Variants in CDH20 observed in about 807,000 individuals in gnomAD.
CDH20 encodes cadherin-20.
CDH20 carries 29 observed loss-of-function variants against 74.2 expected under a neutral mutation model. That is an observed-to-expected ratio of 0.39 (90% CI 0.29 to 0.53). The LOEUF is 0.53. CDH20 is among the 20% of genes least tolerant of loss of function. CDH20 has a pLI of 0.69. For synonymous variants in CDH20, 469 were observed against 405.4 expected, an observed-to-expected ratio of 1.16 and a Z score of -1.88; for missense variants, 988 against 1,048.3, an observed-to-expected ratio of 0.94 and a Z score of 0.79.
chr18:61,539,113 G>A lies in CDH20; in HGVS notation c.1498G>A (p.Ala500Thr). ...TCCAGAGTTCCCCAGATTCTATGAA[G>A]CTTTTGTCTGTGAGAACGCCAAGGC... is the stretch of plus-strand genomic sequence containing the variant. The part of the protein sequence containing the change: ...NAPEFPRFYE[A>T]FVCENAKAGQ... Residue 500 changes from alanine to threonine, a missense_variant, in exon 9 of 12, where the codon GCT becomes ACT. Physicochemically the swap from Ala to Thr is moderately conservative, Grantham distance 58. Around this residue, in one of 2 missense-constraint regions of CDH20, gnomAD observed 613 missense variants for 755.2 expected, o/e 0.81. Coordinates refer to ENST00000262717, the MANE Select transcript of CDH20 (RefSeq NM_031891.4). 1 of 1,614,124 alleles carries A rather than the reference G, an allele frequency of 6.2e-7. No homozygotes were observed. Among genetic ancestry groups the A allele is most frequent in the Non-Finnish European group, 8.5e-7 (1 of 1,180,030 alleles).
At chr18:61,504,423 G>A (rs1401533672) in intron 5 of CDH20, among the ~76,000 whole-genome samples, 1 of 152,162 alleles carries the variant, frequency 6.6e-6, no homozygotes, top group Non-Finnish European at 1.5e-5. Flanking sequence ...TGGATGACAG[G>A]GAGAAGGATT....
chr18:61,515,810 G>T (rs1231585930), intron 6 of CDH20, among the ~76,000 whole-genome samples: 1 of 150,092 alleles, frequency 6.7e-6, no homozygotes, highest in Non-Finnish European at 1.5e-5. Flanking sequence ...GATAGCATTG[G>T]GAGATATACC....
At chr18:61,426,425 G>A (rs1257060664) in intron 1 of CDH20, among the ~76,000 whole-genome samples, 1 of 152,148 alleles carries the variant, frequency 6.6e-6, no homozygotes, top group African/African-American at 2.4e-5. Flanking sequence ...GATTATAGGA[G>A]GAAAATGGCA....
chr18:61,481,153 T>C (rs561462629), intron 1 of CDH20, among the ~76,000 whole-genome samples: 1 of 152,190 alleles, frequency 6.6e-6, no homozygotes, highest in Non-Finnish European at 1.5e-5. Context: ...ATATTACCCA[T>C]GTCTTCAAAG....
chr18:61,534,649 A>G (rs1912758580), intron 7 of CDH20, among the ~76,000 whole-genome samples: 1 of 152,224 alleles, frequency 6.6e-6, no homozygotes, highest in African/African-American at 2.4e-5. Context: ...GCACAGAAAG[A>G]CAAATACCAC....
chr18:61,398,357 A>G (rs1440671861), intron 1 of CDH20, among the ~76,000 whole-genome samples: 1 of 152,228 alleles, frequency 6.6e-6, no homozygotes, highest in African/African-American at 2.4e-5. Flanking sequence ...AGTAGTATCA[A>G]TTTAATTATG....
Position 61,554,671 on chromosome 18 carries a change from GGA to G in CDH20, c.2384_2385del (p.Glu795GlyfsTer42). ...RKLAELYGAS[E>X]GPAPLW is the part of the protein sequence containing the mutation. ...AGCTGGCCGAGCTCTACGGGGCGTC[GGA>G]GGGACCCGCGCCGCTGTGGTGACGG... On this transcript the variant is annotated frameshift_variant, in exon 12 of 12. Coordinates refer to ENST00000262717, the MANE Select transcript of CDH20 (RefSeq NM_031891.4). LOFTEE classifies it high-confidence loss of function. 6.3e-7 allele frequency: 1 copy of G among 1,583,242 alleles called. No individual in the cohort carries two copies. Among genetic ancestry groups the G allele is most frequent in the Non-Finnish European group, 8.6e-7 (1 of 1,164,804 alleles).
At chr18:61,426,614 T>C (rs1369336358) in intron 1 of CDH20, among the ~76,000 whole-genome samples, 1 of 152,196 alleles carries the variant, frequency 6.6e-6, no homozygotes, top group Non-Finnish European at 1.5e-5. Flanking sequence ...AATTAATATA[T>C]CTGCCCATTG....
chr18:61,439,807 CA>C (rs1016858653), intron 1 of CDH20, among the ~76,000 whole-genome samples: 1 of 152,096 alleles, frequency 6.6e-6, no homozygotes, highest in Non-Finnish European at 1.5e-5. Flanking sequence ...ACATAACCCC[CA>C]TATGTGGAGA....
intron 1 of CDH20, among the ~76,000 whole-genome samples, chr18:61,393,832 T>G (rs962608406): frequency 3.3e-5 from 5 of 152,184 alleles, no homozygotes; most frequent in African/African-American, 1.2e-4. Flanking sequence ...GGGCTGGATG[T>G]GTGTTTATAT....
intron 1 of CDH20, among the ~76,000 whole-genome samples, chr18:61,396,040 A>AGAGTGTGTGTGTGTGTGTGT (rs779356011): frequency 2.4e-5 from 2 of 83,522 alleles, no homozygotes; most frequent in Non-Finnish European, 5.6e-5. Context: ...GCACTCACAG[A>AGAGTGTGTGTGTGTGTGTGT]GTGTGTGTGT....
intron 1 of CDH20, among the ~76,000 whole-genome samples, chr18:61,410,427 T>C (rs1248333889): frequency 6.6e-6 from 1 of 152,162 alleles, no homozygotes; most frequent in Non-Finnish European, 1.5e-5. Context: ...TGAAGCGAAA[T>C]AAGTATTTGC....
At chr18:61,399,793 G>A (rs560626361) in intron 1 of CDH20, among the ~76,000 whole-genome samples, 9 of 151,998 alleles carry the variant, frequency 5.9e-5, no homozygotes, top group Non-Finnish European at 1.3e-4. Flanking sequence ...GCATACTTTG[G>A]TTTACTCTGT....
At chr18:61,501,043 A>C (rs1356401258) in intron 4 of CDH20, among the ~76,000 whole-genome samples, 1 of 152,204 alleles carries the variant, frequency 6.6e-6, no homozygotes, top group African/African-American at 2.4e-5. Context: ...ACCACTGTGC[A>C]CTCAGCAGAG....
chr18:61,350,834 G>C (rs564630528), intron 1 of CDH20, among the ~76,000 whole-genome samples: 1 of 152,280 alleles, frequency 6.6e-6, no homozygotes, highest in South Asian at 2.1e-4. Context: ...GGGGAGCAAA[G>C]ACAGAAAGTG....
chr18:61,456,458 A>C (rs777365585), intron 1 of CDH20, among the ~76,000 whole-genome samples: 1 of 152,188 alleles, frequency 6.6e-6, no homozygotes, highest in Admixed American at 6.5e-5. Context: ...TGCTTAAAGG[A>C]CTTCTAATCT....
intron 1 of CDH20, among the ~76,000 whole-genome samples, chr18:61,410,320 A>G (rs1912454481): frequency 6.6e-6 from 1 of 152,232 alleles, no homozygotes; most frequent in African/African-American, 2.4e-5. Context: ...TCAACGTACA[A>G]TAAAGCTTAT....
intron 1 of CDH20, among the ~76,000 whole-genome samples, chr18:61,460,624 G>T (rs1170527505): frequency 1.3e-5 from 2 of 152,122 alleles, no homozygotes; most frequent in African/African-American, 4.8e-5. Flanking sequence ...GACACCCATG[G>T]GAGTTACTAG....
At chr18:61,547,612 G>A (rs1021393504) in intron 10 of CDH20, among the ~76,000 whole-genome samples, 4 of 152,154 alleles carry the variant, frequency 2.6e-5, no homozygotes, top group Non-Finnish European at 5.9e-5. Context: ...TGTCCCATCT[G>A]ATAGATGAGG....
Sources: gnomAD v4.1 joint callset for allele counts (sites outside exome capture counted in the v4.1 genomes callset) on GRCh38, gnomAD v4.1.1 for gene constraint, gnomAD v4.1.1 regional missense constraint, MANE v1.5 for transcripts, NCBI Gene and HGNC (gene_info 2026-07-23, HGNC 2026-07-21) for gene names.